PTPRN2: variants seen among roughly 807,000 people sequenced by gnomAD.
PTPRN2 encodes receptor-type tyrosine-protein phosphatase N2.
Under a neutral mutation model 118.8 loss-of-function variants are expected in PTPRN2, and 74 were observed. That is an observed-to-expected ratio of 0.62 (90% CI 0.52 to 0.76). PTPRN2 has a LOEUF of 0.76. Among genes scored for constraint, PTPRN2 ranks in the 30% least tolerant of loss-of-function variants. The pLI is 0.00. For missense variants in PTPRN2, 1,481 were observed against 1,394.4 expected (o/e 1.06, Z -0.99); for synonymous variants, 641 against 608.0 (o/e 1.05, Z -0.80).
chr7:158,268,036 A>G (rs909453571), intron 3 of PTPRN2, among the ~76,000 whole-genome samples: 2 of 152,192 alleles, frequency 1.3e-5, no homozygotes, highest in Admixed American at 1.3e-4. Flanking sequence ...TAACTGTTTC[A>G]CCCTCGTGGT....
At chr7:158,449,247 C>G (rs1225337163) in intron 2 of PTPRN2, among the ~76,000 whole-genome samples, 1 of 152,210 alleles carries the variant, frequency 6.6e-6, no homozygotes, top group Non-Finnish European at 1.5e-5. Context: ...ACCAACAATT[C>G]CAGGTACATG....
At chr7:157,897,279 A>T (rs1251979795) in intron 12 of PTPRN2, among the ~76,000 whole-genome samples, 1 of 151,756 alleles carries the variant, frequency 6.6e-6, no homozygotes, top group Non-Finnish European at 1.5e-5. Flanking sequence ...CATGCAGGAG[A>T]CTCACGGCCC....
At chr7:158,566,954 T>A (rs1827706540) in intron 1 of PTPRN2, among the ~76,000 whole-genome samples, 1 of 152,194 alleles carries the variant, frequency 6.6e-6, no homozygotes, top group Non-Finnish European at 1.5e-5. Flanking sequence ...CCTCAAGTGA[T>A]CCACCCACCT....
chr7:158,019,476 A>G (rs1806706169), intron 11 of PTPRN2, among the ~76,000 whole-genome samples: 1 of 152,234 alleles, frequency 6.6e-6, no homozygotes, highest in African/African-American at 2.4e-5. Context: ...GAGGCCAGGG[A>G]TGGGGCTGCA....
intron 17 of PTPRN2, among the ~76,000 whole-genome samples, chr7:157,589,791 G>C (rs1396543632): frequency 3.9e-5 from 6 of 152,184 alleles, no homozygotes; most frequent in African/African-American, 1.4e-4. Flanking sequence ...AAGAAAATTA[G>C]GATTTTAAAA....
rs1488518044 is a variant in PTPRN2, at chr7:158,526,479, C to T, written c.113-36694G>A. On this transcript the variant is annotated intron_variant, in intron 1 of 22. Coordinates refer to ENST00000389418, the MANE Select transcript of PTPRN2 (RefSeq NM_002847.5). This position sits in a 1 kb window ranked among gnomAD's most constrained non-coding sequence, Gnocchi z 5.2. Reference sequence around the variant, plus strand: ...TCCGCTGGTCACGGCCTCGGAATTCCGACATGCTGGACTGTGGCTTGGGAA... The same window carrying T: ...TCCGCTGGTCACGGCCTCGGAATTCTGACATGCTGGACTGTGGCTTGGGAA... Among the ~76,000 whole-genome samples, 8 of 152,116 alleles carry T rather than the reference C, an allele frequency of 5.3e-5. No individual in the cohort carries two copies. The South Asian group carries it at 6.2e-4, about 12-fold the overall frequency.
chr7:157,915,813 G>A (rs865892840), intron 11 of PTPRN2, among the ~76,000 whole-genome samples: 2 of 152,154 alleles, frequency 1.3e-5, no homozygotes, highest in Non-Finnish European at 2.9e-5. Context: ...GATGTCTGAT[G>A]TGTTAAAATT....
chr7:157,650,915 T>A (rs1041960566), intron 14 of PTPRN2, among the ~76,000 whole-genome samples: 4 of 151,950 alleles, frequency 2.6e-5, no homozygotes, highest in Non-Finnish European at 4.4e-5. Flanking sequence ...GAGACAGAGA[T>A]CTCTCAAGGT....
In PTPRN2 at chr7:157,585,063, ATC is replaced by A. The variant is rs1388331872; in HGVS notation, c.2497-6925_2497-6924del. Among the ~76,000 whole-genome samples the A allele has an allele frequency of 1.3e-5, 2 of 152,096 alleles. No individual in the cohort carries two copies. The highest frequency in any genetic ancestry group is 2.9e-5 in the Non-Finnish European group (2 of 68,022). ...CCTGGCTTTTTTTTAGTAAACAAAT[ATC>A]TCAGTGTGGGATTCATTTAGGGATG... On this transcript the variant is annotated intron_variant, in intron 17 of 22. Transcript: ENST00000389418. This position sits in a 1 kb window ranked among gnomAD's most constrained non-coding sequence, Gnocchi z 5.2.
chr7:157,861,265 T>C lies in PTPRN2; in HGVS notation c.1788+37408A>G, dbSNP rs1810215406. Reference sequence around the variant, plus strand: ...TACATACGTGAAGTCTATACAATAATGGAACCGAAGCCCTCTGTGGGGAAT... The same window carrying C: ...TACATACGTGAAGTCTATACAATAACGGAACCGAAGCCCTCTGTGGGGAAT... On this transcript the variant is annotated intron_variant, in intron 12 of 22. Transcript: ENST00000389418. The surrounding 1 kb of genome is among the most constrained non-coding windows in gnomAD (Gnocchi z 5.8). 6.6e-6 allele frequency among the ~76,000 whole-genome samples: 1 copy of C among 152,206 alleles called. No homozygotes were observed. Among genetic ancestry groups the C allele is most frequent in the African/African-American group, 2.4e-5 (1 of 41,454 alleles).
chr7:158,482,281 T>A (rs12333967), intron 2 of PTPRN2, among the ~76,000 whole-genome samples: 62,948 of 152,070 alleles, frequency 0.41, 13,365 homozygotes, highest in East Asian at 0.66. Flanking sequence ...TTTTGAAAAA[T>A]GTTCTACTGC....
chr7:157,645,696 AGCT>A (rs1427855862), intron 14 of PTPRN2, among the ~76,000 whole-genome samples: 2 of 152,126 alleles, frequency 1.3e-5, no homozygotes, highest in African/African-American at 4.8e-5. Context: ...TCATGTGAGG[AGCT>A]GCTGTTTACG....
intron 17 of PTPRN2, among the ~76,000 whole-genome samples, chr7:157,594,935 A>C (rs1264112805): frequency 6.6e-6 from 1 of 152,184 alleles, no homozygotes; most frequent in Non-Finnish European, 1.5e-5. Context: ...GGCACATTTC[A>C]ATAACATGGA....
chr7:157,627,199 G>A lies in PTPRN2; in HGVS notation c.2197-5690C>T, dbSNP rs769254876. Among the ~76,000 whole-genome samples, 16 of 152,318 alleles carry A rather than the reference G, an allele frequency of 1.1e-4. No individual in the cohort carries two copies. Among genetic ancestry groups the A allele is most frequent in the African/African-American group, 1.7e-4 (7 of 41,568 alleles). ...CCTGCAGCTGGGTCTCCTCCGGGGC[G>A]TGAGCTCCTGGTGGTCAGGGACCCC... is the stretch of plus-strand genomic sequence containing the variant. On this transcript the variant is annotated intron_variant, in intron 14 of 22. Coordinates refer to ENST00000389418, the MANE Select transcript of PTPRN2 (RefSeq NM_002847.5). The surrounding 1 kb of genome is among the most constrained non-coding windows in gnomAD (Gnocchi z 4.2).
chr7:157,670,437 AAC>A (rs1796353320), intron 13 of PTPRN2, among the ~76,000 whole-genome samples: 1 of 152,202 alleles, frequency 6.6e-6, no homozygotes, highest in African/African-American at 2.4e-5. Flanking sequence ...ATTGGAAGGA[AAC>A]ACAGAATTTT....
intron 19 of PTPRN2, among the ~76,000 whole-genome samples, chr7:157,573,624 T>C (rs1799867463): frequency 6.6e-6 from 1 of 152,216 alleles, no homozygotes; most frequent in Non-Finnish European, 1.5e-5. Context: ...AAGAAGTCAG[T>C]AGACAGCGGT....
rs766885533 is a variant in PTPRN2, at chr7:157,682,869, G to C, written c.1857C>G (p.Thr619=). The C allele has an allele frequency of 3.1e-6, 5 of 1,614,042 alleles. No individual in the cohort carries two copies. The highest frequency in any genetic ancestry group is 3.4e-6 in the Non-Finnish European group (4 of 1,179,978). Residue 619 remains threonine, a synonymous_variant, in exon 13 of 23, where the codon ACC becomes ACG. Coordinates refer to ENST00000389418, the MANE Select transcript of PTPRN2 (RefSeq NM_002847.5). ...CCAGGATGCAGGCGAGGGAGACCAG[G>C]GTGAGCGCGATGAACTTGGTGGAGT... is the stretch of plus-strand genomic sequence containing the variant. ...QEDSTKFIAL[T]LVSLACILGV... is the part of the protein sequence containing the mutation.
intron 3 of PTPRN2, among the ~76,000 whole-genome samples, chr7:158,221,585 T>A (rs989507067): frequency 2.0e-5 from 3 of 152,074 alleles, no homozygotes; most frequent in African/African-American, 7.2e-5. Flanking sequence ...ACAATCATGA[T>A]GGAAGGTGAA....
Position 158,533,310 on chromosome 7 carries a change from T to C in PTPRN2, c.113-43525A>G, listed in dbSNP as rs139619890. On this transcript the variant is annotated intron_variant, in intron 1 of 22. Transcript: ENST00000389418. ...GTGAGCCTCTCACAGATGGAATCTG[T>C]GCAAACTTTAAGTCCCAACAAAACT... 2.7e-3 allele frequency among the ~76,000 whole-genome samples: 412 copies of C among 152,354 alleles called. 3 individuals carry two copies. The highest frequency in any genetic ancestry group is 9.4e-3 in the African/African-American group (390 of 41,584).
Sources: gnomAD v4.1 joint callset for allele counts (sites outside exome capture counted in the v4.1 genomes callset) on GRCh38, gnomAD v4.1.1 for gene constraint, Gnocchi (gnomAD v3.1) non-coding constraint, MANE v1.5 for transcripts, NCBI Gene and HGNC (gene_info 2026-07-23, HGNC 2026-07-21) for gene names.